The following SDAD1 variants were observed in gnomAD, a reference collection of about 807,000 sequenced individuals.
The protein encoded by SDAD1 is protein SDA1 homolog.
A neutral mutation model predicts 100.3 loss-of-function variants in SDAD1; 79 were observed. That is an observed-to-expected ratio of 0.79 (90% CI 0.66 to 0.95). The LOEUF (loss-of-function observed/expected upper bound fraction) is 0.95. SDAD1 is among the 40% of genes least tolerant of loss of function. The pLI is 0.00. For synonymous variants in SDAD1, 267 were observed against 271.4 expected (o/e 0.98, Z 0.16); for missense variants, 790 against 810.9 (o/e 0.97, Z 0.31).
intron 3 of SDAD1, chr4:75,981,030 G>T (rs1438716855): frequency 1.1e-5 from 2 of 188,888 alleles, no homozygotes; most frequent in Non-Finnish European, 2.2e-5. Flanking sequence ...ACATGCATAT[G>T]AGATTTGAAT....
At chr4:75,987,497 AT>A (rs956492566) in intron 1 of SDAD1, among the ~76,000 whole-genome samples, 6 of 151,356 alleles carry the variant, frequency 4.0e-5, no homozygotes, top group East Asian at 1.9e-4. Flanking sequence ...CATGTCGCTA[AT>A]TTTTTTTTGT....
At chr4:75,976,826 C>T (rs1730184402) in intron 4 of SDAD1, among the ~76,000 whole-genome samples, 1 of 152,190 alleles carries the variant, frequency 6.6e-6, no homozygotes, top group African/African-American at 2.4e-5. Context: ...GTGCCCACAC[C>T]ATGCTCCCAT....
chr4:75,965,786 G>A lies in SDAD1; in HGVS notation c.1082C>T (p.Ser361Phe). Residue 361 changes from serine to phenylalanine, a missense_variant, in exon 13 of 22, where the codon TCT becomes TTT. By Grantham distance (155) the Ser-to-Phe change is radical. Coordinates refer to ENST00000356260, the MANE Select transcript of SDAD1 (RefSeq NM_018115.4). ...TKILLFAAQA[S>F]HHLVPPEIIQ... ...CACCTCTGGGGGTACTAGGTGATGA[G>A]ATGCTTGTGCAGCAAACAGAAGGAT... 6.2e-7 allele frequency: 1 copy of A among 1,613,844 alleles called. No homozygotes were observed. Among genetic ancestry groups the A allele is most frequent in the Non-Finnish European group, 8.5e-7 (1 of 1,179,816 alleles).
Position 75,977,641 on chromosome 4 carries a change from T to C in SDAD1, c.405+5A>G, listed in dbSNP as rs372068233. The C allele has an allele frequency of 1.2e-5, 19 of 1,578,918 alleles. No individual in the cohort carries two copies. In the African/African-American group the frequency reaches 2.2e-4, roughly 18 times the overall value. ...ATGCAGGGAAATATTTGTTTTGCCCTTTACCTTTCGCAGAAGTTTATCATG... is the reference window on the plus strand; with the variant it reads ...ATGCAGGGAAATATTTGTTTTGCCCCTTACCTTTCGCAGAAGTTTATCATG... On this transcript the variant is annotated splice_donor_5th_base_variant and intron_variant, in intron 4 of 21. Coordinates refer to ENST00000356260, the MANE Select transcript of SDAD1 (RefSeq NM_018115.4).
At chr4:75,953,495 G>A (rs112634503) in intron 21 of SDAD1, among the ~76,000 whole-genome samples, 7 of 152,180 alleles carry the variant, frequency 4.6e-5, no homozygotes, top group African/African-American at 1.7e-4. Context: ...GCAAAATTTA[G>A]AGTACTTAAA....
chr4:75,960,945 A>T, intron 16 of SDAD1, 83 bp downstream of exon 16: 1 of 1,074,510 alleles, frequency 9.3e-7, no homozygotes, highest in Non-Finnish European at 1.4e-6. Context: ...AAGCATCATA[A>T]GTACTAAAAT....
chr4:75,979,864 T>C (rs1021606737), intron 3 of SDAD1, among the ~76,000 whole-genome samples: 7 of 152,144 alleles, frequency 4.6e-5, no homozygotes, highest in Non-Finnish European at 2.9e-5. Context: ...GGGATCTTGC[T>C]ATGTTGCCTA....
intron 13 of SDAD1, 134 bp from the exon 14 acceptor site, chr4:75,964,345 T>C (rs1729417853): frequency 1.5e-6 from 1 of 657,930 alleles, no homozygotes; most frequent in African/African-American, 1.9e-5. Context: ...TTGGAAGTAA[T>C]CAAGATTAAG....
At chr4:75,985,539 G>C (rs755241569) in intron 1 of SDAD1, among the ~76,000 whole-genome samples, 1 of 152,108 alleles carries the variant, frequency 6.6e-6, no homozygotes, top group East Asian at 1.9e-4. Flanking sequence ...CTAAAGACTA[G>C]AGTTATCCTC....
chr4:75,972,837 C>T lies in SDAD1; in HGVS notation c.711+480G>A, dbSNP rs182623886. On this transcript the variant is annotated intron_variant, in intron 8 of 21. Transcript: ENST00000356260. ...GAGATCAAGACCATCCTGGCTAACA[C>T]GGTGAAACCCCATCTCTACCAAAAA... 1.1e-3 allele frequency among the ~76,000 whole-genome samples: 160 copies of T among 151,700 alleles called. 1 individual carries two copies. The highest frequency in any genetic ancestry group is 3.7e-3 in the African/African-American group (153 of 41,380).
intron 1 of SDAD1, among the ~76,000 whole-genome samples, chr4:75,984,778 A>AACACACACACACACACAC (rs35320227): frequency 0.033 from 4,521 of 136,856 alleles, 115 homozygotes; most frequent in Non-Finnish European, 0.045. Flanking sequence ...CACACACACA[A>AACACACACACACACACAC]ACACACACAC....
At position 75,989,100 on chromosome 4, in the gene SDAD1, G is replaced by A. The variant is rs150564384; in HGVS notation, c.90+1652C>T. On this transcript the variant is annotated intron_variant, in intron 1 of 21. Transcript: ENST00000356260. ...GGCACTCAGAGTGAAATCTAAACTC[G>A]TTAACAGGGCCTAAGAGGCTCTGAA... Among the ~76,000 whole-genome samples the A allele has an allele frequency of 9.2e-5, 14 of 152,158 alleles. No homozygotes were observed. The East Asian group carries it at 2.3e-3, about 25-fold the overall frequency.
At chr4:75,990,273 A>AG (rs1731163456) in intron 1 of SDAD1, among the ~76,000 whole-genome samples, 1 of 49,264 alleles carries the variant, frequency 2.0e-5, no homozygotes, top group African/African-American at 1.0e-4. Context: ...GTGCTTGAGA[A>AG]ACCCCCCCCC....
rs1226228956 is a variant in SDAD1 at position 75,960,260 on chromosome 4, T to C, written c.1357-68A>G. On this transcript the variant is annotated intron_variant, in intron 16 of 21. Coordinates refer to ENST00000356260, the MANE Select transcript of SDAD1 (RefSeq NM_018115.4). ...AAAACCTTAATCATGAAAGGTAGTCTCTGAAATTATGAATTTATTTTATTT... is the reference window on the plus strand; with the variant it reads ...AAAACCTTAATCATGAAAGGTAGTCCCTGAAATTATGAATTTATTTTATTT... 6.1e-6 allele frequency: 8 copies of C among 1,311,084 alleles called. No homozygotes were observed. In the African/African-American group the frequency reaches 1.2e-4, roughly 19 times the overall value. The allele number at this position is 1,311,084 out of a possible 1,614,324, so 81.2% of individuals were successfully genotyped here.
intron 8 of SDAD1, among the ~76,000 whole-genome samples, chr4:75,972,997 G>T (rs1410308335): frequency 1.3e-5 from 2 of 151,870 alleles, no homozygotes; most frequent in Non-Finnish European, 2.9e-5. Flanking sequence ...CTCCAGCCTG[G>T]GCAACAGAGC....
intron 1 of SDAD1, among the ~76,000 whole-genome samples, chr4:75,989,562 A>G (rs1390819025): frequency 6.6e-6 from 1 of 152,212 alleles, no homozygotes; most frequent in Non-Finnish European, 1.5e-5. Flanking sequence ...CCCTTCTTAC[A>G]TATTAAAATA....
intron 21 of SDAD1, among the ~76,000 whole-genome samples, chr4:75,951,110 G>A (rs2149304215): frequency 6.6e-6 from 1 of 152,120 alleles, no homozygotes; most frequent in South Asian, 2.1e-4. Flanking sequence ...TACTTATTTG[G>A]TCTATGTGGC....
intron 8 of SDAD1, among the ~76,000 whole-genome samples, chr4:75,972,351 G>T (rs1729914949): frequency 1.3e-5 from 2 of 148,630 alleles, no homozygotes; most frequent in Admixed American, 1.3e-4. Flanking sequence ...CACTCTTTAG[G>T]TCCGTGCCAT....
intron 20 of SDAD1, 104 bp from the exon 21 acceptor site, chr4:75,956,240 A>G: frequency 8.1e-7 from 1 of 1,227,486 alleles, no homozygotes; most frequent in Non-Finnish European, 1.1e-6. Flanking sequence ...ACTAGGTGCC[A>G]AGGGCACAGA....
Sources: allele counts gnomAD v4.1 joint callset (sites outside exome capture counted in the v4.1 genomes callset), GRCh38; gene constraint gnomAD v4.1.1; transcripts MANE v1.5; gene names NCBI Gene and HGNC (gene_info 2026-07-23, HGNC 2026-07-21).